Variants in CACNG3 observed in about 807,000 individuals in gnomAD.
CACNG3 encodes voltage-dependent calcium channel gamma-3 subunit.
Under a neutral mutation model 28.5 loss-of-function variants are expected in CACNG3, and 3 were observed. The observed-to-expected ratio is 0.11, with a 90% CI of 0.05 to 0.27. The LOEUF is 0.27. CACNG3 is among the 10% of genes least tolerant of loss of function. The pLI is 1.00. For missense variants in CACNG3, 236 were observed against 414.4 expected, an observed-to-expected ratio of 0.57 and a Z score of 3.74; for synonymous variants, 174 against 162.2, an observed-to-expected ratio of 1.07 and a Z score of -0.55.
At chr16:24,281,363 A>G (rs1243831804) in intron 1 of CACNG3, among the ~76,000 whole-genome samples, 1 of 146,382 alleles carries the variant, frequency 6.8e-6, no homozygotes, top group Non-Finnish European at 1.5e-5. Flanking sequence ...ATACCCAGCT[A>G]AATTTTTTGA....
chr16:24,303,944 A>G (rs1464986021), intron 1 of CACNG3, among the ~76,000 whole-genome samples: 1 of 152,124 alleles, frequency 6.6e-6, no homozygotes, highest in Non-Finnish European at 1.5e-5. Flanking sequence ...TGGTGCACAC[A>G]TGTGGTCCCA....
chr16:24,265,562 T>A (rs552078392), intron 1 of CACNG3, among the ~76,000 whole-genome samples: 1 of 152,156 alleles, frequency 6.6e-6, no homozygotes, highest in South Asian at 2.1e-4. Flanking sequence ...ATATATATAT[T>A]ATGATGTGTA....
At chr16:24,276,014 A>G (rs1898749171) in intron 1 of CACNG3, among the ~76,000 whole-genome samples, 1 of 152,226 alleles carries the variant, frequency 6.6e-6, no homozygotes, top group South Asian at 2.1e-4. Context: ...GTGTAGTATC[A>G]AAGAATATTC....
intron 1 of CACNG3, 50 bp from the exon 2 acceptor site, chr16:24,346,684 C>T (rs1208644340): frequency 2.9e-6 from 4 of 1,402,000 alleles, no homozygotes; most frequent in East Asian, 2.3e-5. Flanking sequence ...GGCTGGCCCC[C>T]AGAGCTCTGT....
chr16:24,308,106 A>G (rs551824192), intron 1 of CACNG3, among the ~76,000 whole-genome samples: 1 of 152,182 alleles, frequency 6.6e-6, no homozygotes, highest in Non-Finnish European at 1.5e-5. Flanking sequence ...ACTTAATTGC[A>G]TCCAAAACTC....
chr16:24,337,453 G>T, intron 1 of CACNG3, among the ~76,000 whole-genome samples: 1 of 152,028 alleles, frequency 6.6e-6, no homozygotes, highest in East Asian at 1.9e-4. Flanking sequence ...GGGACTCTGA[G>T]CCCCTTTTCA....
chr16:24,319,429 G>GT (rs1163666020), intron 1 of CACNG3, among the ~76,000 whole-genome samples: 7 of 152,088 alleles, frequency 4.6e-5, no homozygotes, highest in Non-Finnish European at 7.4e-5. Flanking sequence ...TTTTGTGTGT[G>GT]TAAGGTTGCA....
chr16:24,314,115 C>G (rs8043765), intron 1 of CACNG3, among the ~76,000 whole-genome samples: 1,869 of 152,264 alleles, frequency 0.012, 42 homozygotes, highest in African/African-American at 0.042. Context: ...GCCAAAAAGA[C>G]AGATCTAGCA....
At chr16:24,297,275 AAAATAAATAAAT>A (rs562575049) in intron 1 of CACNG3, among the ~76,000 whole-genome samples, 4 of 126,494 alleles carry the variant, frequency 3.2e-5, no homozygotes, top group Non-Finnish European at 4.7e-5. Context: ...AAAATAAAAT[AAAATAAATAAAT>A]AAATAAATAA....
chr16:24,287,363 C>T (rs1160569074), intron 1 of CACNG3, among the ~76,000 whole-genome samples: 1 of 151,708 alleles, frequency 6.6e-6, no homozygotes, highest in Non-Finnish European at 1.5e-5. Flanking sequence ...ACTAAAAATA[C>T]AAATATTAGC....
intron 1 of CACNG3, among the ~76,000 whole-genome samples, chr16:24,269,649 A>G (rs370806517): frequency 6.9e-6 from 1 of 144,750 alleles, no homozygotes; most frequent in South Asian, 2.4e-4. Context: ...CGGGAGGCTG[A>G]GGTGGTAGAA....
intron 1 of CACNG3, among the ~76,000 whole-genome samples, chr16:24,297,395 C>A (rs1899046272): frequency 6.6e-6 from 1 of 152,240 alleles, no homozygotes; most frequent in East Asian, 1.9e-4. Flanking sequence ...TCCTAATGGG[C>A]AATTGGGGTG....
chr16:24,335,948 C>T (rs565995606), intron 1 of CACNG3, among the ~76,000 whole-genome samples: 4 of 151,714 alleles, frequency 2.6e-5, no homozygotes, highest in Non-Finnish European at 5.9e-5. Context: ...AAAAAAAATC[C>T]GCCTGCCTCG....
At chr16:24,266,418 T>TA (rs1239482580) in intron 1 of CACNG3, among the ~76,000 whole-genome samples, 1 of 152,116 alleles carries the variant, frequency 6.6e-6, no homozygotes, top group Non-Finnish European at 1.5e-5. Context: ...TCCAAAATGT[T>TA]ACAAATCACA....
intron 1 of CACNG3, among the ~76,000 whole-genome samples, chr16:24,317,647 G>GA (rs56746171): frequency 1.9e-4 from 6 of 32,144 alleles, no homozygotes; most frequent in African/African-American, 7.0e-4. Flanking sequence ...AGAAAGAAAA[G>GA]AAAAGAAAGA....
intron 2 of CACNG3, 67 bp from the exon 3 acceptor site, chr16:24,354,766 G>T: frequency 1.3e-6 from 2 of 1,535,760 alleles, no homozygotes; most frequent in Non-Finnish European, 1.8e-6. Flanking sequence ...GCACTCCTGC[G>T]CTTGCAATGG....
rs1321275670 is a variant in CACNG3, at chr16:24,256,579, G to C, written c.-176G>C. 2 of 610,798 alleles carry C rather than the reference G, an allele frequency of 3.3e-6. No individual in the cohort carries two copies. Among genetic ancestry groups the C allele is most frequent in the Non-Finnish European group, 5.9e-6 (2 of 341,750 alleles). The allele number at this position is 610,798 out of a possible 1,614,324, so 37.8% of individuals were successfully genotyped here. A position where few individuals can be genotyped will look rare whatever the true frequency, so the allele number is the denominator to read the frequency against. ...GGGCCATAGGCGACCCAGGGAACTG[G>C]AGAGAGCTCCAGAAAGGAAATCCCA... is the stretch of plus-strand genomic sequence containing the variant. On this transcript the variant is annotated 5_prime_UTR_variant, in exon 1 of 4. Coordinates refer to ENST00000005284, the MANE Select transcript of CACNG3 (RefSeq NM_006539.4). The surrounding 1 kb of genome is among the most constrained non-coding windows in gnomAD (Gnocchi z 4.6).
chr16:24,257,394 AG>A (rs1898477636), intron 1 of CACNG3, among the ~76,000 whole-genome samples: 1 of 140,908 alleles, frequency 7.1e-6, no homozygotes, highest in Non-Finnish European at 1.6e-5. Flanking sequence ...AGAGAGAGAG[AG>A]AGAGAGAGAG....
intron 1 of CACNG3, among the ~76,000 whole-genome samples, chr16:24,261,304 G>C (rs1596618906): frequency 1.3e-5 from 2 of 152,174 alleles, no homozygotes; most frequent in East Asian, 3.9e-4. Flanking sequence ...AATAGGGAGT[G>C]GTGAGGACTG....
Sources: gnomAD v4.1 joint callset for allele counts (sites outside exome capture counted in the v4.1 genomes callset) on GRCh38, gnomAD v4.1.1 for gene constraint, Gnocchi (gnomAD v3.1) non-coding constraint, MANE v1.5 for transcripts, NCBI Gene and HGNC (gene_info 2026-07-23, HGNC 2026-07-21) for gene names.